Variants in PARP10 observed in about 807,000 individuals in gnomAD.
The protein encoded by PARP10 is protein mono-ADP-ribosyltransferase PARP10.
A neutral mutation model predicts 82.4 loss-of-function variants in PARP10; 56 were observed. The observed-to-expected ratio is 0.68, with a 90% confidence interval of 0.55 to 0.85. The LOEUF is 0.85. PARP10 is among the 40% of genes least tolerant of loss of function. The pLI, the probability that PARP10 is intolerant of heterozygous loss-of-function variation, is 0.00. For missense variants in PARP10, 1,227 were observed against 1,379.4 expected (o/e 0.89, Z 1.75); for synonymous variants, 576 against 601.1 (o/e 0.96, Z 0.61).
At chr8:143,991,121 C>A, upstream of PARP10, 2 of 719,018 alleles carry the variant, frequency 2.8e-6, no homozygotes, top group South Asian at 4.0e-5. Flanking sequence ...TTCCCAGAAG[C>A]AGGTGGAGTT....
chr8:143,991,836 C>T (rs67714660), upstream of PARP10: 1 of 1,607,134 alleles, frequency 6.2e-7, no homozygotes, highest in South Asian at 1.1e-5. Context: ...GCGGTGGGGG[C>T]TGTGGCTCCC....
chr8:143,993,692 C>T (rs549869762), upstream of PARP10, among the ~76,000 whole-genome samples: 181 of 152,310 alleles, frequency 1.2e-3, no homozygotes, highest in Non-Finnish European at 2.2e-3. Flanking sequence ...GGAGATGGCA[C>T]GGTATAGCCG....
At chr8:144,002,398 T>G (rs925227333) in intron 1 of PARP10, among the ~76,000 whole-genome samples, 2 of 151,786 alleles carry the variant, frequency 1.3e-5, no homozygotes, top group South Asian at 2.1e-4. Context: ...AAGAAAAAAA[T>G]CCCAACATAA....
chr8:143,991,181 C>T, upstream of PARP10: 4 of 1,469,026 alleles, frequency 2.7e-6, no homozygotes, highest in Non-Finnish European at 3.7e-6. Flanking sequence ...TTCCACTGTT[C>T]CTTGTCTGTC....
chr8:144,009,621 T>C (rs1834259491), intron 1 of PARP10, among the ~76,000 whole-genome samples: 1 of 152,182 alleles, frequency 6.6e-6, no homozygotes, highest in South Asian at 2.1e-4. Context: ...CTCTACGACC[T>C]GGAGCAGTAC....
At chr8:143,994,753 G>A (rs1425831942), upstream of PARP10, among the ~76,000 whole-genome samples, 1 of 152,094 alleles carries the variant, frequency 6.6e-6, no homozygotes, top group Non-Finnish European at 1.5e-5. Flanking sequence ...AGCAGCGAGT[G>A]GGCCACACGG....
upstream of PARP10, chr8:143,992,223 A>G (rs1554750657): frequency 6.2e-7 from 1 of 1,603,564 alleles, no homozygotes; most frequent in Non-Finnish European, 8.5e-7. Context: ...ACCCAAGGTC[A>G]GCCTGTGTCT....
At chr8:144,005,222 CG>C (rs1209638750) in intron 1 of PARP10, among the ~76,000 whole-genome samples, 1 of 150,724 alleles carries the variant, frequency 6.6e-6, no homozygotes, top group African/African-American at 2.4e-5. Flanking sequence ...AGGAGAGCAT[CG>C]GGGAGGGACC....
rs782238694 is a variant in PARP10 at position 143,984,546 on chromosome 8, G to A, written c.1456C>T (p.Arg486Trp). The change falls in exon 5 of 11, where the codon CGG becomes TGG. Residue 486 changes from arginine (R) to tryptophan (W), a missense_variant and splice_region_variant. Coordinates refer to ENST00000313028, the MANE Select transcript of PARP10 (RefSeq NM_032789.5). ...AGGAGTCCTGAGGGGTCACTCACCC[G>A]AAAGCCAGTCATATCCGGTCCTTCA... The part of the protein sequence containing the change: ...PLEGPDMTGF[R>W]LCGAQASCQA... The A allele has an allele frequency of 2.7e-5, 43 of 1,607,630 alleles. No individual in the cohort carries two copies. The highest frequency in any genetic ancestry group is 5.3e-5 in the African/African-American group (4 of 74,830).
At chr8:143,981,395 A>ATGGTG (rs1833855177) in intron 9 of PARP10, among the ~76,000 whole-genome samples, 1 of 54,496 alleles carries the variant, frequency 1.8e-5, no homozygotes, top group Non-Finnish European at 3.7e-5. Flanking sequence ...GGTGATGGTG[A>ATGGTG]TGATGGTGGT....
chr8:143,991,493 A>C (rs1045718543), upstream of PARP10: 19 of 1,530,244 alleles, frequency 1.2e-5, no homozygotes, highest in Non-Finnish European at 1.6e-5. Flanking sequence ...AGGGCTACCC[A>C]CAGGGCCCCT....
chr8:143,991,149 G>A (rs1834085625), upstream of PARP10: 2 of 1,030,114 alleles, frequency 1.9e-6, no homozygotes, highest in Non-Finnish European at 2.8e-6. Context: ...GCTGGGTCCC[G>A]ACGCTGTCGT....
chr8:144,000,419 C>T (rs1834193540), intron 1 of PARP10, among the ~76,000 whole-genome samples: 1 of 152,192 alleles, frequency 6.6e-6, no homozygotes, highest in Admixed American at 6.5e-5. Flanking sequence ...TTCCCTAGCA[C>T]CTGAGGGAGC....
chr8:143,993,513 A>G (rs1834134412), upstream of PARP10: 1 of 156,058 alleles, frequency 6.4e-6, no homozygotes, highest in Admixed American at 6.2e-5. Context: ...AGAAATGAAT[A>G]GTGGAGATTA....
Position 144,008,263 on chromosome 8 carries a change from C to T in PARP10, c.-80+4267G>A, listed in dbSNP as rs1554752201. Among the ~76,000 whole-genome samples, 1 of 152,198 alleles carries T rather than the reference C, an allele frequency of 6.6e-6. No homozygotes were observed. Among genetic ancestry groups the T allele is most frequent in the African/African-American group, 2.4e-5 (1 of 41,438 alleles). ...GTTGGGGCCTGTCAGGTGGATGGAA[C>T]AGAGGGCTCCCGGCTGCAGGCCCCC... On this transcript the variant is annotated intron_variant, in intron 1 of 3. Transcript: ENST00000530478. This position sits in a 1 kb window ranked among gnomAD's most constrained non-coding sequence, Gnocchi z 4.0.
intron 1 of PARP10, among the ~76,000 whole-genome samples, chr8:144,005,682 G>A (rs1554752040): frequency 6.6e-6 from 1 of 151,602 alleles, no homozygotes; most frequent in African/African-American, 2.4e-5. Flanking sequence ...TGGCCTCCTT[G>A]ACGGTCTTCA....
At chr8:144,003,352 G>T (rs767742500) in intron 1 of PARP10, among the ~76,000 whole-genome samples, 8 of 150,812 alleles carry the variant, frequency 5.3e-5, no homozygotes, top group Non-Finnish European at 1.2e-4. Context: ...GAGCCTGGGA[G>T]GCGAAGGTTG....
intron 1 of PARP10, chr8:144,012,379 C>A: frequency 1.4e-6 from 1 of 694,284 alleles, no homozygotes; most frequent in South Asian, 1.8e-5. Flanking sequence ...AGCCTCTGAC[C>A]TCACAATACC....
chr8:143,982,973 C>T lies in PARP10; in HGVS notation c.2515G>A (p.Asp839Asn), dbSNP rs1272330988. 11 of 1,613,888 alleles carry T rather than the reference C, an allele frequency of 6.8e-6. No individual in the cohort carries two copies. Among genetic ancestry groups the T allele is most frequent in the East Asian group, 4.5e-5 (2 of 44,880 alleles). Reference sequence around the variant, plus strand: ...CTGCTGCGGGCAGCGTCCAGGGTGTCGTAGAAGGCCCGCACCACCTCCTGG... The same window carrying T: ...CTGCTGCGGGCAGCGTCCAGGGTGTTGTAGAAGGCCCGCACCACCTCCTGG... ...EFQEVVRAFY[D>N]TLDAARSSIR... is the part of the protein sequence containing the mutation. Residue 839 changes from aspartate (D) to asparagine (N), a missense_variant, in exon 9 of 11, where the codon GAC becomes AAC. Coordinates refer to ENST00000313028, the MANE Select transcript of PARP10 (RefSeq NM_032789.5).
Sources: allele counts gnomAD v4.1 joint callset (sites outside exome capture counted in the v4.1 genomes callset), GRCh38; gene constraint gnomAD v4.1.1; non-coding constraint Gnocchi (gnomAD v3.1); transcripts MANE v1.5; gene names NCBI Gene and HGNC (gene_info 2026-07-23, HGNC 2026-07-21).